UTP6: variants seen among roughly 807,000 people sequenced by gnomAD.
The protein encoded by UTP6 is U3 small nucleolar RNA-associated protein 6 homolog.
UTP6 carries 60 observed loss-of-function variants against 96.5 expected under a neutral mutation model. The ratio of observed to expected loss-of-function variants is 0.62; its 90% confidence interval spans 0.51 to 0.77. The LOEUF is 0.77. Ranked by LOEUF, UTP6 falls within the 30% of genes least tolerant of loss-of-function variation. UTP6 has a pLI of 0.00. For missense variants in UTP6, 637 were observed against 706.5 expected (o/e 0.90, Z 1.12); for synonymous variants, 215 against 240.1 (o/e 0.90, Z 0.96).
chr17:31,891,223 G>A (rs1418987638), intron 6 of UTP6, among the ~76,000 whole-genome samples: 2 of 152,108 alleles, frequency 1.3e-5, no homozygotes, highest in East Asian at 3.9e-4. Context: ...CCTTGAACAT[G>A]TGACTCCTAA....
At position 31,861,932 on chromosome 17, in the gene UTP6, C is replaced by T. The variant is rs1199809211; in HGVS notation, c.*1427G>A. On this transcript the variant is annotated 3_prime_UTR_variant, in exon 19 of 19. Transcript: ENST00000261708. ...GGATGTCAATCTCCTAAGGAAATGGCCAGGGATGTGAACAAAGATTGACAA... is the reference window on the plus strand; with the variant it reads ...GGATGTCAATCTCCTAAGGAAATGGTCAGGGATGTGAACAAAGATTGACAA... 1.3e-5 allele frequency: 2 copies of T among 152,110 alleles called. No homozygotes were observed. The highest frequency in any genetic ancestry group is 4.8e-5 in the African/African-American group (2 of 41,408). 9.4% of individuals were successfully genotyped at this position (152,110 alleles called of 1,614,324 possible). A position where few individuals can be genotyped will look rare whatever the true frequency, so the allele number is the denominator to read the frequency against.
At chr17:31,897,807 C>T (rs1904744348) in intron 2 of UTP6, among the ~76,000 whole-genome samples, 1 of 152,066 alleles carries the variant, frequency 6.6e-6, no homozygotes, top group South Asian at 2.1e-4. Flanking sequence ...ATCCTGATTC[C>T]GTCATCCAAC....
intron 4 of UTP6, 134 bp downstream of exon 4, chr17:31,894,511 G>A (rs752640325): frequency 1.6e-6 from 1 of 635,334 alleles, no homozygotes; most frequent in East Asian, 2.8e-5. Context: ...AATGTTTTGA[G>A]TAATGATACC....
At chr17:31,878,840 A>G (rs769432177) in intron 11 of UTP6, 59 bp from the exon 12 acceptor site, 9 of 1,479,180 alleles carry the variant, frequency 6.1e-6, no homozygotes, top group Admixed American at 1.8e-5. Flanking sequence ...TCATCACATC[A>G]AAGTTATTAA....
chr17:31,893,392 C>T (rs1904444133), intron 4 of UTP6, among the ~76,000 whole-genome samples: 1 of 145,816 alleles, frequency 6.9e-6, no homozygotes. Flanking sequence ...TTGTGTGCCA[C>T]TGCACTCTAA....
Position 31,880,682 on chromosome 17 carries a change from T to C in UTP6, c.858A>G (p.Ser286=). The C allele has an allele frequency of 1.2e-6, 2 of 1,614,178 alleles. No individual in the cohort carries two copies. The highest frequency in any genetic ancestry group is 8.5e-7 in the Non-Finnish European group (1 of 1,180,032). ...TCGTTGTAGGCTGCTCTTCTGTCTG[T>C]GACTCAATCTCTAATTCTCGCCTTG... is the stretch of plus-strand genomic sequence containing the variant. The part of the protein sequence containing the change: ...YVARRELEIE[S]QTEEQPTTKQ... The change falls in exon 11 of 19, where the codon TCA becomes TCG. Residue 286 remains serine, a synonymous_variant. Coordinates refer to ENST00000261708, the MANE Select transcript of UTP6 (RefSeq NM_018428.3).
intron 11 of UTP6, 179 bp downstream of exon 11, chr17:31,880,394 C>T: frequency 1.5e-6 from 1 of 688,702 alleles, no homozygotes; most frequent in Middle Eastern, 4.4e-4. Flanking sequence ...GAACTCCAGC[C>T]AGGGTGACAG....
At chr17:31,866,592 CA>C (rs1276251699) in intron 17 of UTP6, 2 of 151,590 alleles carry the variant, frequency 1.3e-5, no homozygotes, top group African/African-American at 4.9e-5. Flanking sequence ...ATTAGCCAGG[CA>C]TGGTGGTGCA....
At chr17:31,879,629 G>A (rs986202729) in intron 11 of UTP6, among the ~76,000 whole-genome samples, 2 of 151,790 alleles carry the variant, frequency 1.3e-5, no homozygotes, top group African/African-American at 4.8e-5. Context: ...CTGAAATTGC[G>A]CCACTGCACT....
chr17:31,865,225 C>T (rs62062387), intron 18 of UTP6, 141 bp downstream of exon 18: 520,694 of 683,276 alleles, frequency 0.76, 203,070 homozygotes, highest in East Asian at 0.85. Flanking sequence ...ATTGGCCAGG[C>T]TGGTCTCGAA....
chr17:31,901,453 G>C, intron 1 of UTP6, 83 bp downstream of exon 1: 1 of 1,276,874 alleles, frequency 7.8e-7, no homozygotes, highest in Non-Finnish European at 1.1e-6. Context: ...CAGGTCGAGC[G>C]TCCCCACATC....
intron 16 of UTP6, among the ~76,000 whole-genome samples, chr17:31,870,493 T>TG (rs1219086266): frequency 1.2e-4 from 18 of 151,866 alleles, no homozygotes; most frequent in East Asian, 5.8e-4. Flanking sequence ...GGTTTTTTGT[T>TG]TTTGTTGTTG....
At chr17:31,901,419 C>A in intron 1 of UTP6, 117 bp downstream of exon 1, 1 of 928,692 alleles carries the variant, frequency 1.1e-6, no homozygotes, top group Non-Finnish European at 1.7e-6. Context: ...AAATGGGCTT[C>A]CACCACGTTA....
In UTP6 at chr17:31,901,670, G is replaced by A. The variant is rs868592427; in HGVS notation, c.-43C>T. The A allele has an allele frequency of 6.3e-6, 10 of 1,592,244 alleles. 2 individuals carry two copies. Among genetic ancestry groups the A allele is most frequent in the African/African-American group, 5.4e-5 (4 of 74,718 alleles). On this transcript the variant is annotated 5_prime_UTR_variant, in exon 1 of 19. Coordinates refer to ENST00000261708, the MANE Select transcript of UTP6 (RefSeq NM_018428.3). ...ACCCCGCGGGTAGCTTCTCAACAGC[G>A]AACACGAGCAGGAAGCTCCCGGTTT...
intron 8 of UTP6, 51 bp from the exon 9 acceptor site, chr17:31,886,112 A>G (rs1438490301): frequency 6.6e-7 from 1 of 1,520,690 alleles, no homozygotes. Context: ...AAGGAGGAAA[A>G]GCACTAGGAC....
intron 16 of UTP6, among the ~76,000 whole-genome samples, chr17:31,870,494 T>TTTG (rs770748105): frequency 6.6e-6 from 1 of 150,810 alleles, no homozygotes; most frequent in African/African-American, 2.4e-5. Flanking sequence ...GTTTTTTGTT[T>TTTG]TTGTTGTTGT....
intron 18 of UTP6, 72 bp from the exon 19 acceptor site, chr17:31,863,588 A>C: frequency 1.5e-6 from 2 of 1,363,278 alleles, no homozygotes; most frequent in Non-Finnish European, 2.0e-6. Context: ...ATATCAATTC[A>C]ACTCAAGATT....
At chr17:31,895,534 G>A (rs1362224559) in intron 2 of UTP6, among the ~76,000 whole-genome samples, 2 of 151,760 alleles carry the variant, frequency 1.3e-5, no homozygotes, top group East Asian at 1.9e-4. Context: ...ATCCATAGGT[G>A]TTTTGTTTTG....
chr17:31,901,466 G>GC, intron 1 of UTP6, 70 bp downstream of exon 1: 4 of 1,454,036 alleles, frequency 2.8e-6, no homozygotes, highest in Non-Finnish European at 3.8e-6. Context: ...CCCACATCTA[G>GC]CCCCTGCCAC....
Sources: gnomAD v4.1 joint callset for allele counts (sites outside exome capture counted in the v4.1 genomes callset) on GRCh38, gnomAD v4.1.1 for gene constraint, MANE v1.5 for transcripts, NCBI Gene and HGNC (gene_info 2026-07-23, HGNC 2026-07-21) for gene names.